Variants in CFAP90 observed in about 807,000 individuals in gnomAD.
CFAP90 encodes the protein cilia and flagella associated protein 90.
the CFAP90 span, among the ~76,000 whole-genome samples, chr5:7,844,149 C>A: frequency 6.6e-6 from 1 of 152,176 alleles, no homozygotes; most frequent in Non-Finnish European, 1.5e-5. Context: ...AAGGAGCTAC[C>A]TGCCCTGGAG....
chr5:7,844,524 A>T, the CFAP90 span, among the ~76,000 whole-genome samples: 2 of 152,228 alleles, frequency 1.3e-5, no homozygotes, highest in African/African-American at 4.8e-5. Flanking sequence ...TGTCCTCACA[A>T]AGCTCACATT....
chr5:7,848,337 C>T, the CFAP90 span, among the ~76,000 whole-genome samples: 1 of 152,054 alleles, frequency 6.6e-6, no homozygotes, highest in African/African-American at 2.4e-5. Context: ...CCTTTTCCCC[C>T]TGTCCTTGCA....
the CFAP90 span, among the ~76,000 whole-genome samples, chr5:7,843,801 G>A: frequency 4.6e-5 from 7 of 152,280 alleles, no homozygotes; most frequent in East Asian, 5.8e-4. Context: ...CCCTTAAAAC[G>A]GGGTGATTTT....
chr5:7,832,274 C>A, the CFAP90 span, among the ~76,000 whole-genome samples: 50,671 of 151,934 alleles, frequency 0.33, 8,663 homozygotes, highest in Admixed American at 0.46. Flanking sequence ...TGTGCCGGAC[C>A]ATTTGCTCTA....
chr5:7,832,807 T>C, the CFAP90 span, among the ~76,000 whole-genome samples: 1 of 152,216 alleles, frequency 6.6e-6, no homozygotes, highest in South Asian at 2.1e-4. Context: ...TTTGCCTTTT[T>C]CTCTCTTCCT....
the CFAP90 span, among the ~76,000 whole-genome samples, chr5:7,838,723 T>C: frequency 2.0e-5 from 3 of 152,234 alleles, no homozygotes; most frequent in Non-Finnish European, 4.4e-5. Flanking sequence ...TGGCTGACCC[T>C]GTTCCATGCG....
the CFAP90 span, chr5:7,835,503 G>A: frequency 4.1e-6 from 6 of 1,455,204 alleles, no homozygotes; most frequent in African/African-American, 2.9e-5. Flanking sequence ...TCCTGTCTAG[G>A]AAAAAAAAGA....
the CFAP90 span, among the ~76,000 whole-genome samples, chr5:7,834,735 T>C: frequency 6.6e-6 from 1 of 152,234 alleles, no homozygotes; most frequent in South Asian, 2.1e-4. Context: ...TGTGTTTTAA[T>C]CCTTTACAAT....
At chr5:7,843,834 A>C in the CFAP90 span, among the ~76,000 whole-genome samples, 1 of 152,220 alleles carries the variant, frequency 6.6e-6, no homozygotes, top group Non-Finnish European at 1.5e-5. Flanking sequence ...TATGTTATTA[A>C]ATGAAAAGGG....
the CFAP90 span, among the ~76,000 whole-genome samples, chr5:7,832,313 AT>A: frequency 3.9e-5 from 6 of 151,994 alleles, no homozygotes; most frequent in Non-Finnish European, 7.4e-5. Flanking sequence ...CTTCCTGGTC[AT>A]TTCCCAGCTC....
At chr5:7,845,358 C>T in the CFAP90 span, among the ~76,000 whole-genome samples, 1 of 152,170 alleles carries the variant, frequency 6.6e-6, no homozygotes, top group African/African-American at 2.4e-5. Flanking sequence ...AAATTCAGTG[C>T]TCAGGGAGGT....
the CFAP90 span, chr5:7,831,877 G>C: frequency 1.2e-6 from 2 of 1,613,596 alleles, no homozygotes; most frequent in East Asian, 2.2e-5. Flanking sequence ...GCCCAAAGCC[G>C]GGTTCCTTGA....
chr5:7,845,004 G>A, the CFAP90 span, among the ~76,000 whole-genome samples: 6 of 152,130 alleles, frequency 3.9e-5, no homozygotes, highest in Admixed American at 6.6e-5. Context: ...AAGAAAAAAA[G>A]GTTTGATTGA....
At chr5:7,839,279 C>A in the CFAP90 span, among the ~76,000 whole-genome samples, 1 of 152,138 alleles carries the variant, frequency 6.6e-6, no homozygotes, top group Non-Finnish European at 1.5e-5. Flanking sequence ...GGCGACACAG[C>A]CAAACCATAT....
chr5:7,845,038 A>T, the CFAP90 span, among the ~76,000 whole-genome samples: 560 of 152,290 alleles, frequency 3.7e-3, 3 homozygotes, highest in African/African-American at 5.0e-3. Context: ...ATGGCTGGGG[A>T]GGCCTCAGGA....
the CFAP90 span, among the ~76,000 whole-genome samples, chr5:7,841,139 A>C: frequency 6.6e-6 from 1 of 152,340 alleles, no homozygotes; most frequent in Non-Finnish European, 1.5e-5. Flanking sequence ...ACAAATTTAC[A>C]AGAAAAAAAA....
At chr5:7,845,384 T>C in the CFAP90 span, among the ~76,000 whole-genome samples, 6 of 152,100 alleles carry the variant, frequency 3.9e-5, no homozygotes. Context: ...CCTTGATGCA[T>C]AAAGAAACAG....
chr5:7,830,841 C>T, the CFAP90 span: 4 of 152,132 alleles, frequency 2.6e-5, no homozygotes, highest in South Asian at 2.1e-4. Flanking sequence ...GCTGATGATA[C>T]TTTAATACTT....
At chr5:7,835,239 CA>C in the CFAP90 span, 7 of 578,318 alleles carry the variant, frequency 1.2e-5, no homozygotes, top group East Asian at 1.7e-4. Flanking sequence ...ACTTACTTGA[CA>C]TAAGGTTGCC....
Sources: gnomAD v4.1 joint callset for allele counts (sites outside exome capture counted in the v4.1 genomes callset) on GRCh38, gnomAD v4.1.1 for gene constraint, MANE v1.5 for transcripts, NCBI Gene and HGNC (gene_info 2026-07-23, HGNC 2026-07-21) for gene names.